Variants in LRRIQ3 observed in about 807,000 individuals in gnomAD.
The protein encoded by LRRIQ3 is leucine-rich repeat and IQ domain-containing protein 3.
Under a neutral mutation model 59.3 loss-of-function variants are expected in LRRIQ3, and 75 were observed. The ratio of observed to expected loss-of-function variants is 1.26; its 90% CI spans 1.05 to 1.53. LRRIQ3 has a LOEUF of 1.53. LRRIQ3 is among the 40% of genes most tolerant of loss of function. The probability of loss-of-function intolerance (pLI) is 0.00; values close to 1 mark genes in which losing one functional copy is unlikely to be tolerated. For synonymous variants in LRRIQ3, 250 were observed against 231.3 expected, an observed-to-expected ratio of 1.08 and a Z score of -0.73; for missense variants, 831 against 710.0, an observed-to-expected ratio of 1.17 and a Z score of -1.94.
chr1:74,094,048 T>C (rs780382133), intron 5 of LRRIQ3, among the ~76,000 whole-genome samples: 10 of 152,202 alleles, frequency 6.6e-5, no homozygotes, highest in Non-Finnish European at 1.3e-4. Context: ...TGAGGGCTGT[T>C]ACTGGCTTGC....
chr1:74,106,459 T>C (rs1425752877), intron 5 of LRRIQ3, among the ~76,000 whole-genome samples: 2 of 151,992 alleles, frequency 1.3e-5, no homozygotes, highest in Non-Finnish European at 2.9e-5. Context: ...TTGGCTCCCA[T>C]GGGTGTGAGT....
Position 74,026,655 on chromosome 1 carries a change from GA to G in LRRIQ3, c.*157del. ...TTAAGTTAAATTATGACCAATAAGA[GA>G]AACATTTTAACTAATCTTTATATTT... On this transcript the variant is annotated 3_prime_UTR_variant, in exon 8 of 8. Coordinates refer to ENST00000354431, the MANE Select transcript of LRRIQ3 (RefSeq NM_001105659.2). The G allele has an allele frequency of 1.6e-6, 1 of 613,258 alleles. No individual in the cohort carries two copies. The highest frequency in any genetic ancestry group is 2.6e-6 in the Non-Finnish European group (1 of 390,638). 38.0% of individuals were successfully genotyped at this position (613,258 alleles called of 1,614,324 possible).
chr1:74,040,707 A>G (rs1036954339), intron 7 of LRRIQ3, among the ~76,000 whole-genome samples: 1 of 152,228 alleles, frequency 6.6e-6, no homozygotes, highest in African/African-American at 2.4e-5. Flanking sequence ...TAACTAATGA[A>G]ATTAAGGCAG....
chr1:74,101,846 G>A (rs1440567350), intron 5 of LRRIQ3, among the ~76,000 whole-genome samples: 1 of 152,074 alleles, frequency 6.6e-6, no homozygotes, highest in Non-Finnish European at 1.5e-5. Flanking sequence ...ACTCATAGAT[G>A]GGAATTGAAC....
chr1:74,138,702 T>TA (rs1261432007), intron 4 of LRRIQ3, among the ~76,000 whole-genome samples: 5 of 151,992 alleles, frequency 3.3e-5, no homozygotes, highest in Admixed American at 1.3e-4. Context: ...GTTATACTTG[T>TA]AATGGGAGTA....
intron 3 of LRRIQ3, among the ~76,000 whole-genome samples, chr1:74,174,408 G>A (rs1649513589): frequency 6.6e-6 from 1 of 151,520 alleles, no homozygotes; most frequent in Non-Finnish European, 1.5e-5. Context: ...TTTGACAGGA[G>A]TTTCACTCTT....
chr1:74,128,551 T>A (rs918977142), intron 4 of LRRIQ3, among the ~76,000 whole-genome samples: 1 of 152,142 alleles, frequency 6.6e-6, no homozygotes, highest in Non-Finnish European at 1.5e-5. Flanking sequence ...TTTTAAATCA[T>A]CTGTCTGAAA....
At chr1:74,129,154 A>G (rs1253091047) in intron 4 of LRRIQ3, among the ~76,000 whole-genome samples, 1 of 152,058 alleles carries the variant, frequency 6.6e-6, no homozygotes, top group Non-Finnish European at 1.5e-5. Context: ...TAAAATCAGC[A>G]GTTGGTGAAG....
intron 6 of LRRIQ3, among the ~76,000 whole-genome samples, chr1:74,042,697 G>T (rs1296637832): frequency 1.3e-5 from 2 of 152,090 alleles, no homozygotes; most frequent in Non-Finnish European, 2.9e-5. Context: ...AACTCTGGTG[G>T]AAAATAGTAG....
At chr1:74,033,528 G>A (rs1406800069) in intron 7 of LRRIQ3, among the ~76,000 whole-genome samples, 1 of 151,960 alleles carries the variant, frequency 6.6e-6, no homozygotes, top group Non-Finnish European at 1.5e-5. Context: ...TATAGGAGTT[G>A]AAGATTTAAG....
At chr1:74,106,714 C>T (rs922108839) in intron 5 of LRRIQ3, among the ~76,000 whole-genome samples, 6 of 151,908 alleles carry the variant, frequency 3.9e-5, no homozygotes, top group Admixed American at 6.6e-5. Flanking sequence ...AAAGGATCAA[C>T]GATACCAAAG....
intron 3 of LRRIQ3, among the ~76,000 whole-genome samples, chr1:74,173,529 T>C (rs1481606339): frequency 6.6e-6 from 1 of 152,026 alleles, no homozygotes; most frequent in Non-Finnish European, 1.5e-5. Flanking sequence ...AGGTTTTTTC[T>C]TTGTTATCAT....
At chr1:74,128,104 G>T (rs752934407) in intron 4 of LRRIQ3, among the ~76,000 whole-genome samples, 7 of 151,968 alleles carry the variant, frequency 4.6e-5, no homozygotes, top group Non-Finnish European at 8.8e-5. Context: ...GGAGCTCCAT[G>T]TATGTGAATT....
At position 74,189,219 on chromosome 1, in the gene LRRIQ3, G is replaced by A. The variant is rs117230075; in HGVS notation, c.1-5535C>T. 5.6e-4 allele frequency among the ~76,000 whole-genome samples: 86 copies of A among 152,222 alleles called. No individual in the cohort carries two copies. In the East Asian group the frequency reaches 0.016, roughly 29 times the overall value. On this transcript the variant is annotated intron_variant, in intron 1 of 7. Transcript: ENST00000354431. The stretch of plus-strand genomic sequence containing the variant: ...ATCCATGTGTGTCTGAAATAGGGTA[G>A]CCAGACTTTCTACATGCTTAAGGGC...
chr1:74,050,224 C>T (rs1247324623), intron 6 of LRRIQ3, among the ~76,000 whole-genome samples: 1 of 151,956 alleles, frequency 6.6e-6, no homozygotes, highest in Non-Finnish European at 1.5e-5. Flanking sequence ...ACCCACCTTG[C>T]ATACTTTTTA....
chr1:74,106,771 G>T (rs1194546570), intron 5 of LRRIQ3, among the ~76,000 whole-genome samples: 3 of 151,920 alleles, frequency 2.0e-5, no homozygotes, highest in Non-Finnish European at 2.9e-5. Flanking sequence ...TTTCATATTA[G>T]TATTCAGATT....
chr1:74,041,422 C>G lies in LRRIQ3; in HGVS notation c.1509G>C (p.Leu503=), dbSNP rs749654879. The G allele has an allele frequency of 1.2e-6, 2 of 1,613,740 alleles. No individual in the cohort carries two copies. Among genetic ancestry groups the G allele is most frequent in the Admixed American group, 1.7e-5 (1 of 59,984 alleles). ...YLEKARERKA[L]FLKEKSQKAS... ...CCTTTTGGGATTTTTCTTTTAGAAACAGAGCTTTTCTCTCTCTAGCTTTTT... is the reference window on the plus strand; with the variant it reads ...CCTTTTGGGATTTTTCTTTTAGAAAGAGAGCTTTTCTCTCTCTAGCTTTTT... The change falls in exon 7 of 8, where the codon CTG becomes CTC. Residue 503 remains leucine (L), a synonymous_variant. Coordinates refer to ENST00000354431, the MANE Select transcript of LRRIQ3 (RefSeq NM_001105659.2).
At position 74,155,859 on chromosome 1, in the gene LRRIQ3, G is replaced by T. The variant is rs764716350; in HGVS notation, c.581C>A (p.Thr194Asn). The stretch of plus-strand genomic sequence containing the variant: ...AATATTATTAATTTCCTCTTCATAG[G>T]TTGTTCCCTGTATAAAGAAAATATA... Reference protein sequence around the residue: ...NFCPALRKGTTYEEEINNIKH... With the variant: ...NFCPALRKGTNYEEEINNIKH... The change falls in exon 4 of 8, where the codon ACC (threonine) becomes AAC (asparagine). Residue 194 changes from threonine to asparagine, a missense_variant. Physicochemically the swap from Thr to Asn is moderately conservative, Grantham distance 65. Transcript: ENST00000354431. The T allele has an allele frequency of 1.4e-6, 2 of 1,395,766 alleles. No individual in the cohort carries two copies. The highest frequency in any genetic ancestry group is 3.0e-5 in the African/African-American group (2 of 67,316). The allele number at this position is 1,395,766 out of a possible 1,614,324, so 86.5% of individuals were successfully genotyped here. A position where few individuals can be genotyped will look rare whatever the true frequency, so the allele number is the denominator to read the frequency against.
At chr1:74,129,373 T>C (rs1646979807) in intron 4 of LRRIQ3, among the ~76,000 whole-genome samples, 1 of 152,024 alleles carries the variant, frequency 6.6e-6, no homozygotes. Flanking sequence ...ACCCCAGTTA[T>C]GTGGTGAGTG....
Sources: gnomAD v4.1 joint callset for allele counts (sites outside exome capture counted in the v4.1 genomes callset) on GRCh38, gnomAD v4.1.1 for gene constraint, MANE v1.5 for transcripts, NCBI Gene and HGNC (gene_info 2026-07-23, HGNC 2026-07-21) for gene names.